The following CFAP206 variants were observed in gnomAD, a reference collection of about 807,000 sequenced individuals.
The protein encoded by CFAP206 is cilia and flagella associated protein 206.
A neutral mutation model predicts 65.4 loss-of-function variants in CFAP206; 53 were observed. That is an observed-to-expected ratio of 0.81 (90% CI 0.65 to 1.02). The LOEUF (loss-of-function observed/expected upper bound fraction) is 1.02. Ranked by LOEUF, CFAP206 falls within the 50% of genes least tolerant of loss-of-function variation. The pLI, the probability that CFAP206 is intolerant of heterozygous loss-of-function variation, is 0.00. For synonymous variants in CFAP206, 250 were observed against 254.4 expected (o/e 0.98, Z 0.17); for missense variants, 663 against 753.2 (o/e 0.88, Z 1.40).
At chr6:87,457,467 GAC>G (rs1768667487) in intron 11 of CFAP206, among the ~76,000 whole-genome samples, 1 of 152,030 alleles carries the variant, frequency 6.6e-6, no homozygotes, top group South Asian at 2.1e-4. Flanking sequence ...ATAAAAACAA[GAC>G]ACATAGACCA....
At chr6:87,418,675 C>G (rs1767880056) in intron 7 of CFAP206, among the ~76,000 whole-genome samples, 2 of 152,120 alleles carry the variant, frequency 1.3e-5, no homozygotes, top group African/African-American at 2.4e-5. Context: ...TGTAGTTAAA[C>G]AGTGGTGTAT....
intron 7 of CFAP206, among the ~76,000 whole-genome samples, chr6:87,422,673 C>T (rs1448972877): frequency 6.7e-6 from 1 of 150,090 alleles, no homozygotes; most frequent in Non-Finnish European, 1.5e-5. Context: ...ATCGCTTGAA[C>T]GCGGAGGGTG....
intron 4 of CFAP206, 94 bp from the exon 5 acceptor site, chr6:87,415,592 G>C (rs1022970748): frequency 9.0e-7 from 1 of 1,105,956 alleles, no homozygotes; most frequent in Non-Finnish European, 1.4e-6. Context: ...TCCTGAAGTA[G>C]AATTGCCATA....
At chr6:87,460,168 AC>A (rs1768719903) in intron 11 of CFAP206, among the ~76,000 whole-genome samples, 1 of 152,078 alleles carries the variant, frequency 6.6e-6, no homozygotes, top group Non-Finnish European at 1.5e-5. Context: ...AGTACCTTAA[AC>A]CTCTACCACT....
intron 12 of CFAP206, among the ~76,000 whole-genome samples, chr6:87,462,620 T>C (rs1194164654): frequency 6.6e-6 from 1 of 152,212 alleles, no homozygotes; most frequent in Admixed American, 6.5e-5. Context: ...TTTATGTTGC[T>C]TTTGAGATAC....
chr6:87,436,718 A>G (rs1005548632), intron 11 of CFAP206: 23 of 152,204 alleles, frequency 1.5e-4, no homozygotes, highest in African/African-American at 5.1e-4. Flanking sequence ...CCCCTTTCCA[A>G]TGAAGCTATT....
At chr6:87,412,524 G>A (rs1196531870) in intron 3 of CFAP206, among the ~76,000 whole-genome samples, 1 of 152,086 alleles carries the variant, frequency 6.6e-6, no homozygotes, top group African/African-American at 2.4e-5. Context: ...GCAGAGAAGG[G>A]GAATGAGCCA....
chr6:87,437,671 T>C (rs2127953440), intron 11 of CFAP206, among the ~76,000 whole-genome samples: 1 of 151,960 alleles, frequency 6.6e-6, no homozygotes, highest in African/African-American at 2.4e-5. Context: ...TTTTTATTTT[T>C]TTGAGACAGA....
chr6:87,408,050 A>G lies in CFAP206; in HGVS notation c.-45A>G. ...CGTCGCGGTGAGGGCCCCAGGACAG[A>G]AGCAGACAGACACGGCTCCTGCTGT... On this transcript the variant is annotated 5_prime_UTR_variant, in exon 1 of 13. Coordinates refer to ENST00000369562, the MANE Select transcript of CFAP206 (RefSeq NM_001031743.3). 2.0e-6 allele frequency: 2 copies of G among 985,446 alleles called. No individual in the cohort carries two copies. The highest frequency in any genetic ancestry group is 3.5e-5 in the African/African-American group (2 of 57,314). 61.0% of individuals were successfully genotyped at this position (985,446 alleles called of 1,614,324 possible).
Position 87,434,932 on chromosome 6 carries a change from C to G in CFAP206, c.1373C>G (p.Ser458Ter), listed in dbSNP as rs1055975846. The change falls in exon 11 of 13, where the codon TCA (serine) becomes TGA (stop). Residue 458 changes from serine to a stop codon, truncating the protein, a stop_gained. Transcript: ENST00000369562. LOFTEE classifies it high-confidence loss of function. ...TTCAATAGTAAAGATGCTGCATATT[C>G]ATTTGCAGAAAATCCTGAACATTAT... ...YTFNSKDAAY[S>*]FAENPEHYID... The G allele has an allele frequency of 1.3e-6, 2 of 1,555,836 alleles. No individual in the cohort carries two copies. The highest frequency in any genetic ancestry group is 2.7e-5 in the African/African-American group (2 of 73,466).
chr6:87,451,967 A>C (rs1768553367), intron 11 of CFAP206, among the ~76,000 whole-genome samples: 1 of 152,098 alleles, frequency 6.6e-6, no homozygotes, highest in Non-Finnish European at 1.5e-5. Flanking sequence ...TGAGCCTTGA[A>C]TAAACATCAG....
chr6:87,433,019 A>G (rs1469556169), intron 10 of CFAP206, among the ~76,000 whole-genome samples: 1 of 152,102 alleles, frequency 6.6e-6, no homozygotes, highest in Non-Finnish European at 1.5e-5. Flanking sequence ...ATTGCCTACC[A>G]CGCTTTGCCT....
chr6:87,460,405 G>A (rs1768725987), intron 11 of CFAP206, among the ~76,000 whole-genome samples: 1 of 152,170 alleles, frequency 6.6e-6, no homozygotes, highest in Admixed American at 6.5e-5. Context: ...ACCTAATAAA[G>A]CTATTTTCAA....
At chr6:87,449,533 G>GA (rs1003026946) in intron 11 of CFAP206, among the ~76,000 whole-genome samples, 4 of 151,822 alleles carry the variant, frequency 2.6e-5, no homozygotes, top group African/African-American at 9.7e-5. Context: ...ATTTTAACTG[G>GA]AATGAGATGA....
intron 1 of CFAP206, chr6:87,408,550 C>CGCGCACACAGATCCGGAGA (rs1767670174): frequency 1.4e-5 from 1 of 71,652 alleles, no homozygotes; most frequent in Admixed American, 1.3e-4. Context: ...AGATCCGGAG[C>CGCGCACACAGATCCGGAGA]GCGCACACAG....
chr6:87,409,367 C>T (rs1457941854), intron 1 of CFAP206, among the ~76,000 whole-genome samples: 1 of 151,924 alleles, frequency 6.6e-6, no homozygotes, highest in African/African-American at 2.4e-5. Context: ...GCGTGTGCCA[C>T]CACTCCCGGC....
chr6:87,450,475 ATGTGTGTGTGTGTGTGTG>A (rs55870560), intron 11 of CFAP206, among the ~76,000 whole-genome samples: 1 of 130,358 alleles, frequency 7.7e-6, no homozygotes, highest in Non-Finnish European at 1.6e-5. Flanking sequence ...ATAAATGAAA[ATGTGTGTGTGTGTGTGTG>A]TGTGTGTGTG....
intron 11 of CFAP206, chr6:87,441,855 C>T (rs1056453946): frequency 1.4e-5 from 4 of 285,198 alleles, no homozygotes; most frequent in Non-Finnish European, 2.8e-5. Flanking sequence ...CCGATGTCAT[C>T]CCTAGCAAAC....
intron 11 of CFAP206, among the ~76,000 whole-genome samples, chr6:87,438,504 A>G (rs1768311844): frequency 6.7e-6 from 1 of 149,764 alleles, no homozygotes; most frequent in African/African-American, 2.5e-5. Context: ...GCTTAGTTGG[A>G]CAGGCAGTTG....
Sources: gnomAD v4.1 joint callset for allele counts (sites outside exome capture counted in the v4.1 genomes callset) on GRCh38, gnomAD v4.1.1 for gene constraint, MANE v1.5 for transcripts, NCBI Gene and HGNC (gene_info 2026-07-23, HGNC 2026-07-21) for gene names.